Variants in ACO2 observed in about 807,000 individuals in gnomAD.
The protein encoded by ACO2 is aconitate hydratase, mitochondrial.
ACO2 carries 31 observed loss-of-function variants against 84.5 expected under a neutral mutation model. The observed-to-expected ratio is 0.37, with a 90% confidence interval of 0.28 to 0.50. ACO2 has a LOEUF of 0.50. ACO2 is among the 20% of genes least tolerant of loss of function. The probability of loss-of-function intolerance (pLI) is 0.97; values close to 1 mark genes in which losing one functional copy is unlikely to be tolerated. For synonymous variants in ACO2, 414 were observed against 412.7 expected, an observed-to-expected ratio of 1.00 and a Z score of -0.04; for missense variants, 685 against 1,029.3, an observed-to-expected ratio of 0.67 and a Z score of 4.58.
intron 1 of ACO2, among the ~76,000 whole-genome samples, chr22:41,470,614 C>G (rs1202018705): frequency 6.9e-6 from 1 of 144,060 alleles, no homozygotes; most frequent in East Asian, 2.0e-4. Context: ...GCAATCTTGG[C>G]TGACTGCAAC....
chr22:41,503,189 C>T (rs1261865944), intron 2 of ACO2, among the ~76,000 whole-genome samples: 1 of 152,142 alleles, frequency 6.6e-6, no homozygotes, highest in East Asian at 1.9e-4. Flanking sequence ...TTGACAACTA[C>T]AACAATATTT....
At chr22:41,473,812 G>A (rs1467152254) in intron 1 of ACO2, among the ~76,000 whole-genome samples, 1 of 152,148 alleles carries the variant, frequency 6.6e-6, no homozygotes, top group Non-Finnish European at 1.5e-5. Flanking sequence ...AATAGAAGGA[G>A]CATGTGCAGA....
At chr22:41,487,800 C>A (rs976986165) in intron 1 of ACO2, among the ~76,000 whole-genome samples, 1 of 152,028 alleles carries the variant, frequency 6.6e-6, no homozygotes, top group Non-Finnish European at 1.5e-5. Context: ...ATGTCCAGAA[C>A]CAAACTCCTG....
At chr22:41,493,394 G>A (rs1601894289) in intron 1 of ACO2, among the ~76,000 whole-genome samples, 1 of 152,188 alleles carries the variant, frequency 6.6e-6, no homozygotes, top group South Asian at 2.1e-4. Context: ...TGTTGATATG[G>A]CCCCCTCTTT....
chr22:41,484,871 CTTT>C (rs1231320140), intron 1 of ACO2, among the ~76,000 whole-genome samples: 2 of 118,978 alleles, frequency 1.7e-5, no homozygotes, highest in African/African-American at 6.3e-5. Context: ...GGAGTCAGCT[CTTT>C]TTTTTTTTTT....
intron 8 of ACO2, among the ~76,000 whole-genome samples, chr22:41,519,088 G>A (rs2066499570): frequency 6.6e-6 from 1 of 152,220 alleles, no homozygotes; most frequent in African/African-American, 2.4e-5. Flanking sequence ...AGCTCTGGCT[G>A]CTGAACCAGA....
chr22:41,526,324 G>A lies in ACO2; in HGVS notation c.1824G>A (p.Gly608=). The change falls in exon 15 of 18, where the codon GGG becomes GGA. Residue 608 remains glycine, a synonymous_variant. Coordinates refer to ENST00000216254, the MANE Select transcript of ACO2 (RefSeq NM_001098.3). ...SAAGPWLKFR[G]HLDNISNNLL... is the part of the protein sequence containing the mutation. Reference sequence around the variant, plus strand: ...CTGGCCCCTGGCTCAAGTTCCGTGGGCACTTGGATAACATCTCCAACAACC... The same window carrying A: ...CTGGCCCCTGGCTCAAGTTCCGTGGACACTTGGATAACATCTCCAACAACC... The A allele has an allele frequency of 6.2e-7, 1 of 1,612,984 alleles. No individual in the cohort carries two copies.
chr22:41,475,240 A>G (rs1156899493), intron 1 of ACO2, among the ~76,000 whole-genome samples: 1 of 130,730 alleles, frequency 7.6e-6, no homozygotes, highest in African/African-American at 3.0e-5. Flanking sequence ...TGGTGTAATT[A>G]TAGCTCACTG....
chr22:41,524,719 CA>C, intron 12 of ACO2, 126 bp from the exon 13 acceptor site: 1 of 1,448,726 alleles, frequency 6.9e-7, no homozygotes, highest in Non-Finnish European at 9.5e-7. Flanking sequence ...CTGAGGAACA[CA>C]GGGGTCTGGG....
Position 41,528,616 on chromosome 22 carries a change from G to C in ACO2, c.*3G>C, listed in dbSNP as rs188802828. On this transcript the variant is annotated 3_prime_UTR_variant, in exon 18 of 18. Transcript: ENST00000216254. ...GAATGAAGGAACTGCAACAGTGAGG[G>C]CAGTGCCTCCCCGCCCCGCCGCTGG... is the stretch of plus-strand genomic sequence containing the variant. 3.8e-6 allele frequency: 6 copies of C among 1,587,210 alleles called. No individual in the cohort carries two copies. In the South Asian group the frequency reaches 5.8e-5, roughly 15 times the overall value.
chr22:41,474,363 G>A (rs1404066257), intron 1 of ACO2, among the ~76,000 whole-genome samples: 4 of 146,234 alleles, frequency 2.7e-5, no homozygotes, highest in Non-Finnish European at 4.5e-5. Context: ...GCGCGATCTC[G>A]GCTCACTGCA....
Position 41,523,832 on chromosome 22 carries a change from A to T in ACO2, c.1373A>T (p.Lys458Met). The T allele has an allele frequency of 1.9e-6, 3 of 1,611,730 alleles. No individual in the cohort carries two copies. The highest frequency in any genetic ancestry group is 2.5e-6 in the Non-Finnish European group (3 of 1,179,632). ...CGPCIGQWDR[K>M]DIKKGEKNTI... ...CCCTGATCCCTCTGACCTGGCAGGA[A>T]GGACATCAAGAAGGGGGAGAAGAAC... The change falls in exon 12 of 18, where the codon AAG becomes ATG. Residue 458 changes from lysine to methionine, a missense_variant and splice_region_variant. By Grantham distance (95) the Lys-to-Met change is moderately conservative. Coordinates refer to ENST00000216254, the MANE Select transcript of ACO2 (RefSeq NM_001098.3).
chr22:41,477,159 TA>T (rs1369393594), intron 1 of ACO2, among the ~76,000 whole-genome samples: 9 of 149,842 alleles, frequency 6.0e-5, no homozygotes, highest in South Asian at 2.1e-4. Flanking sequence ...TTTATTTATT[TA>T]TTTATTTTTT....
intron 2 of ACO2, 59 bp from the exon 3 acceptor site, chr22:41,507,732 A>G: frequency 6.4e-7 from 1 of 1,567,100 alleles, no homozygotes; most frequent in Non-Finnish European, 8.7e-7. Context: ...AGGGAGAGGC[A>G]GGGCGGGAGG....
intron 1 of ACO2, among the ~76,000 whole-genome samples, chr22:41,475,081 T>C (rs1381266260): frequency 6.6e-6 from 1 of 151,524 alleles, no homozygotes; most frequent in Non-Finnish European, 1.5e-5. Context: ...CTGTCCTATC[T>C]GGTCTTATTG....
intron 4 of ACO2, among the ~76,000 whole-genome samples, chr22:41,513,374 G>C (rs1404957372): frequency 6.6e-6 from 1 of 152,118 alleles, no homozygotes; most frequent in Non-Finnish European, 1.5e-5. Flanking sequence ...GGGGCCATGG[G>C]AGTACTTTGC....
chr22:41,479,979 C>G (rs1376239553), intron 1 of ACO2, among the ~76,000 whole-genome samples: 1 of 152,220 alleles, frequency 6.6e-6, no homozygotes, highest in Non-Finnish European at 1.5e-5. Context: ...TCCTTGCTCC[C>G]TTTCCAAGCC....
At position 41,528,606 on chromosome 22, in the gene ACO2, A is replaced by T; in HGVS notation, c.2336A>T (p.Gln779Leu). 6.2e-7 allele frequency: 1 copy of T among 1,609,284 alleles called. No homozygotes were observed. Among genetic ancestry groups the T allele is most frequent in the Non-Finnish European group, 8.5e-7 (1 of 1,179,220 alleles). ...GCCCTCAACAGAATGAAGGAACTGC[A>T]ACAGTGAGGGCAGTGCCTCCCCGCC... ...GSALNRMKEL[Q>L]Q is the part of the protein sequence containing the mutation. Residue 779 changes from glutamine to leucine, a missense_variant, in exon 18 of 18, where the codon CAA (glutamine) becomes CTA (leucine). Gln to Leu is a moderately radical substitution (Grantham distance 113). This residue lies in a region of ACO2 where 174 missense variants were observed against 236.6 expected (regional missense o/e 0.74). Transcript: ENST00000216254.
intron 8 of ACO2, among the ~76,000 whole-genome samples, chr22:41,519,356 T>C (rs2066502118): frequency 6.6e-6 from 1 of 152,186 alleles, no homozygotes; most frequent in Non-Finnish European, 1.5e-5. Flanking sequence ...CCTTGCTCCA[T>C]CACGTGTGGA....
Sources: gnomAD v4.1 joint callset for allele counts (sites outside exome capture counted in the v4.1 genomes callset) on GRCh38, gnomAD v4.1.1 for gene constraint, gnomAD v4.1.1 regional missense constraint, MANE v1.5 for transcripts, NCBI Gene and HGNC (gene_info 2026-07-23, HGNC 2026-07-21) for gene names.